LRRC4C: variants seen among roughly 807,000 people sequenced by gnomAD.
LRRC4C encodes leucine rich repeat containing 4C, also known as leucine-rich repeat-containing protein 4C.
LRRC4C carries 5 observed loss-of-function variants against 33.6 expected under a neutral mutation model. The observed-to-expected ratio is 0.15, with a 90% CI of 0.08 to 0.31. LRRC4C has a LOEUF of 0.31. Among genes scored for constraint, LRRC4C ranks in the 10% least tolerant of loss-of-function variants. The pLI is 1.00. For missense variants in LRRC4C, 560 were observed against 796.7 expected, an observed-to-expected ratio of 0.70 and a Z score of 3.58; for synonymous variants, 329 against 302.0, an observed-to-expected ratio of 1.09 and a Z score of -0.93.
chr11:41,441,071 T>G (rs1955602544), intron 1 of LRRC4C, among the ~76,000 whole-genome samples: 1 of 152,214 alleles, frequency 6.6e-6, no homozygotes, highest in Non-Finnish European at 1.5e-5. Context: ...CTCTTTCTTC[T>G]GTTTTTAAGG....
chr11:41,379,478 G>A (rs1224342580), intron 1 of LRRC4C, among the ~76,000 whole-genome samples: 1 of 152,052 alleles, frequency 6.6e-6, no homozygotes, highest in East Asian at 1.9e-4. Context: ...TTGACTGATT[G>A]CCTTTACTTT....
At chr11:40,614,745 A>ACTAT (rs1171496159) in intron 3 of LRRC4C, among the ~76,000 whole-genome samples, 2 of 151,568 alleles carry the variant, frequency 1.3e-5, no homozygotes, top group Non-Finnish European at 3.0e-5. Flanking sequence ...AGGGTTATTA[A>ACTAT]CTATCTTAAT....
At chr11:41,192,203 T>G (rs552942223) in intron 1 of LRRC4C, among the ~76,000 whole-genome samples, 1 of 152,114 alleles carries the variant, frequency 6.6e-6, no homozygotes, top group Non-Finnish European at 1.5e-5. Context: ...TACTAATTTT[T>G]GTTATTGGTT....
intron 4 of LRRC4C, among the ~76,000 whole-genome samples, chr11:40,318,550 T>A (rs1414133841): frequency 6.6e-6 from 1 of 152,152 alleles, no homozygotes; most frequent in Non-Finnish European, 1.5e-5. Context: ...TTCTTCAAGC[T>A]TATGATTCCT....
At chr11:41,330,248 T>C (rs565692090) in intron 1 of LRRC4C, among the ~76,000 whole-genome samples, 1 of 152,310 alleles carries the variant, frequency 6.6e-6, no homozygotes, top group East Asian at 1.9e-4. Context: ...TTGAAATACA[T>C]ATCTTTTTTG....
intron 1 of LRRC4C, among the ~76,000 whole-genome samples, chr11:41,056,718 T>C (rs1042382080): frequency 2.0e-5 from 3 of 152,150 alleles, no homozygotes; most frequent in African/African-American, 7.2e-5. Context: ...TGAGATACCA[T>C]ATCATACCAG....
chr11:41,157,426 T>C (rs1179704930), intron 1 of LRRC4C, among the ~76,000 whole-genome samples: 1 of 151,964 alleles, frequency 6.6e-6, no homozygotes, highest in Admixed American at 6.6e-5. Flanking sequence ...GGACCATATA[T>C]GGAAAAAAAA....
chr11:40,192,003 G>A (rs569983036), intron 5 of LRRC4C, among the ~76,000 whole-genome samples: 24 of 152,160 alleles, frequency 1.6e-4, no homozygotes, highest in Non-Finnish European at 2.6e-4. Context: ...ATATATATAT[G>A]TGAACTAGTT....
intron 3 of LRRC4C, among the ~76,000 whole-genome samples, chr11:40,631,497 C>T (rs1963474451): frequency 6.6e-6 from 1 of 152,056 alleles, no homozygotes; most frequent in African/African-American, 2.4e-5. Flanking sequence ...ATAGGAAAGG[C>T]AATTGCTTTA....
At chr11:40,455,403 G>A (rs1012147533) in intron 3 of LRRC4C, among the ~76,000 whole-genome samples, 1 of 152,282 alleles carries the variant, frequency 6.6e-6, no homozygotes, top group East Asian at 1.9e-4. Flanking sequence ...CCCAGAGGCA[G>A]GAAGCTAGGC....
chr11:41,125,287 A>G (rs1004327950), intron 1 of LRRC4C, among the ~76,000 whole-genome samples: 1 of 120,240 alleles, frequency 8.3e-6, no homozygotes, highest in Non-Finnish European at 1.8e-5. Flanking sequence ...TGAAAATAAC[A>G]TTTAAAGACA....
At chr11:41,176,005 G>T (rs1014538243) in intron 1 of LRRC4C, among the ~76,000 whole-genome samples, 1 of 151,978 alleles carries the variant, frequency 6.6e-6, no homozygotes, top group Non-Finnish European at 1.5e-5. Flanking sequence ...CTCGTCCTAC[G>T]CATTCCCTGA....
intron 2 of LRRC4C, among the ~76,000 whole-genome samples, chr11:40,865,621 A>G (rs1025564282): frequency 1.3e-5 from 2 of 151,614 alleles, no homozygotes; most frequent in African/African-American, 4.8e-5. Flanking sequence ...AAAAATATAA[A>G]TAAATAACAA....
chr11:40,611,718 C>T (rs1961234585), intron 3 of LRRC4C, among the ~76,000 whole-genome samples: 1 of 151,424 alleles, frequency 6.6e-6, no homozygotes, highest in South Asian at 2.1e-4. Flanking sequence ...TTGGATAGAC[C>T]TTTCTCAAAA....
intron 1 of LRRC4C, among the ~76,000 whole-genome samples, chr11:41,289,094 T>C (rs1018187860): frequency 5.3e-5 from 8 of 152,188 alleles, no homozygotes; most frequent in Non-Finnish European, 1.0e-4. Context: ...GCCAAAGTTC[T>C]CACCCACATT....
chr11:41,353,969 A>G (rs1239219441), intron 1 of LRRC4C, among the ~76,000 whole-genome samples: 2 of 152,186 alleles, frequency 1.3e-5, no homozygotes. Context: ...ATGAAAAAAG[A>G]CAAGGATGCC....
intron 1 of LRRC4C, among the ~76,000 whole-genome samples, chr11:41,009,024 G>A (rs1044569652): frequency 6.6e-6 from 1 of 151,868 alleles, no homozygotes; most frequent in African/African-American, 2.4e-5. Flanking sequence ...AAATTTATAT[G>A]AAAGATAACG....
chr11:41,351,353 C>T (rs1951978672), intron 1 of LRRC4C, among the ~76,000 whole-genome samples: 2 of 151,902 alleles, frequency 1.3e-5, no homozygotes, highest in Non-Finnish European at 1.5e-5. Flanking sequence ...ATATAAAGAC[C>T]AAACCTATCA....
intron 1 of LRRC4C, among the ~76,000 whole-genome samples, chr11:41,233,430 ACT>A (rs1292935178): frequency 6.6e-6 from 1 of 152,000 alleles, no homozygotes; most frequent in Non-Finnish European, 1.5e-5. Context: ...AGTCATAAAA[ACT>A]CTGCAATAAT....
Sources: gnomAD v4.1 joint callset for allele counts (sites outside exome capture counted in the v4.1 genomes callset) on GRCh38, gnomAD v4.1.1 for gene constraint, MANE v1.5 for transcripts, NCBI Gene and HGNC (gene_info 2026-07-23, HGNC 2026-07-21) for gene names.